The following TBX4 variants were observed in gnomAD, a reference collection of about 807,000 sequenced individuals.
TBX4 encodes the protein T-box transcription factor TBX4.
Under a neutral mutation model 54.6 loss-of-function variants are expected in TBX4, and 13 were observed. That is an observed-to-expected ratio of 0.24 (90% CI 0.15 to 0.38). The LOEUF is 0.38. Among genes scored for constraint, TBX4 ranks in the 10% least tolerant of loss-of-function variants. TBX4 has a pLI of 1.00. For synonymous variants in TBX4, 314 were observed against 306.7 expected (o/e 1.02, Z -0.25); for missense variants, 631 against 728.5 (o/e 0.87, Z 1.54).
intron 1 of TBX4, chr17:61,452,929 A>C (rs2060424512): frequency 1.0e-6 from 1 of 985,476 alleles, no homozygotes; most frequent in Non-Finnish European, 1.2e-6. Context: ...TGGTGTTTGC[A>C]GAATATGCAA....
At chr17:61,463,918 C>A (rs2060516262) in intron 3 of TBX4, among the ~76,000 whole-genome samples, 1 of 152,152 alleles carries the variant, frequency 6.6e-6, no homozygotes, top group South Asian at 2.1e-4. Context: ...GTTGGCCCAC[C>A]AGGAGAGAGG....
At position 61,463,989 on chromosome 17, in the gene TBX4, G is replaced by C. The variant is rs577138129; in HGVS notation, c.282-1830G>C. 1.6e-3 allele frequency among the ~76,000 whole-genome samples: 245 copies of C among 152,350 alleles called. 3 individuals are homozygous for C. The highest frequency in any genetic ancestry group is 0.014 in the Admixed American group (214 of 15,308). ...GCCCCCAGGCCCCATAGGGGGGCTG[G>C]TAAGCAGGAGGCAGGGTTGGGTTCC... On this transcript the variant is annotated intron_variant, in intron 3 of 8. Coordinates refer to ENST00000644296, the MANE Select transcript of TBX4 (RefSeq NM_001321120.2).
chr17:61,472,973 C>T lies in TBX4; in HGVS notation c.549+5316C>T, dbSNP rs1337307809. Reference sequence around the variant, plus strand: ...TAATAGGTTTTAGTGTTTGGCAGGACTGGGCCTCCTTGATCTTCTTCAGAG... The same window carrying T: ...TAATAGGTTTTAGTGTTTGGCAGGATTGGGCCTCCTTGATCTTCTTCAGAG... On this transcript the variant is annotated intron_variant, in intron 5 of 8. Transcript: ENST00000644296. The surrounding 1 kb of genome is among the most constrained non-coding windows in gnomAD (Gnocchi z 4.5). Among the ~76,000 whole-genome samples the T allele has an allele frequency of 1.3e-5, 2 of 152,178 alleles. No individual in the cohort carries two copies. Among genetic ancestry groups the T allele is most frequent in the Non-Finnish European group, 2.9e-5 (2 of 68,040 alleles).
In TBX4 at chr17:61,481,048, G is replaced by A. The variant is rs139200037; in HGVS notation, c.1021+729G>A. On this transcript the variant is annotated intron_variant, in intron 8 of 8. Coordinates refer to ENST00000644296, the MANE Select transcript of TBX4 (RefSeq NM_001321120.2). The surrounding 1 kb of genome is among the most constrained non-coding windows in gnomAD (Gnocchi z 4.8). ...GCCTGGGGACTTTTGCTTGCCTTCC[G>A]GAATGTTCCCTCAGCCCTGGTCCTA... 6.2e-4 allele frequency among the ~76,000 whole-genome samples: 94 copies of A among 152,240 alleles called. 2 individuals carry two copies. In the East Asian group the frequency reaches 0.014, roughly 23 times the overall value.
Position 61,465,793 on chromosome 17 carries a change from T to C in TBX4, c.282-26T>C. 1 of 1,613,474 alleles carries C rather than the reference T, an allele frequency of 6.2e-7. No homozygotes were observed. The highest frequency in any genetic ancestry group is 8.5e-7 in the Non-Finnish European group (1 of 1,179,642). ...CTCTCCTGGTGCTCTGTCCACACGC[T>C]CCGCCTCACCCCTCGGCTCCCCCAG... is the stretch of plus-strand genomic sequence containing the variant. On this transcript the variant is annotated intron_variant, in intron 3 of 8. Transcript: ENST00000644296. This position sits in a 1 kb window ranked among gnomAD's most constrained non-coding sequence, Gnocchi z 4.9.
At chr17:61,469,815 G>T (rs1475250364) in intron 5 of TBX4, among the ~76,000 whole-genome samples, 1 of 152,230 alleles carries the variant, frequency 6.6e-6, no homozygotes, top group Non-Finnish European at 1.5e-5. Flanking sequence ...GCCCGTGGGA[G>T]TGGTGAGCTC....
chr17:61,456,507 G>T lies in TBX4; in HGVS notation c.17G>T (p.Gly6Val), dbSNP rs3744448. The T allele has an allele frequency of 1.3e-6, 2 of 1,568,710 alleles. No individual in the cohort carries two copies. Among genetic ancestry groups the T allele is most frequent in the Admixed American group, 1.9e-5 (1 of 53,446 alleles). Reference sequence around the variant, plus strand: ...CCGCAGGAGATGCTGCAGGATAAGGGCCTGTCCGAGAGCGAGGAGGCCTTC... The same window carrying T: ...CCGCAGGAGATGCTGCAGGATAAGGTCCTGTCCGAGAGCGAGGAGGCCTTC... MLQDKGLSESEEAFRA... is the reference protein window; with the variant it reads MLQDKVLSESEEAFRA... Residue 6 changes from glycine (G) to valine (V), a missense_variant, in exon 2 of 9, where the codon GGC becomes GTC. This residue lies in a region of TBX4 where 123 missense variants were observed against 120.9 expected (regional missense o/e 1.02). Transcript: ENST00000644296.
intron 5 of TBX4, among the ~76,000 whole-genome samples, chr17:61,468,166 C>G (rs984198349): frequency 4.6e-5 from 7 of 152,206 alleles, no homozygotes; most frequent in Non-Finnish European, 5.9e-5. Context: ...GGCCTGACAG[C>G]CGCCTGCTTC....
In TBX4 at chr17:61,474,038, T is replaced by C. The variant is rs2060600026; in HGVS notation, c.550-4589T>C. Among the ~76,000 whole-genome samples, 1 of 152,198 alleles carries C rather than the reference T, an allele frequency of 6.6e-6. No homozygotes were observed. The highest frequency in any genetic ancestry group is 2.4e-5 in the African/African-American group (1 of 41,458). ...TTTTCCTTGGATGCACCTCTTATCATCCGGGGTCTCAGTTTTCTTTCTTTC... is the reference window on the plus strand; with the variant it reads ...TTTTCCTTGGATGCACCTCTTATCACCCGGGGTCTCAGTTTTCTTTCTTTC... On this transcript the variant is annotated intron_variant, in intron 5 of 8. Coordinates refer to ENST00000644296, the MANE Select transcript of TBX4 (RefSeq NM_001321120.2). The surrounding 1 kb of genome is among the most constrained non-coding windows in gnomAD (Gnocchi z 4.6).
rs1294713248 is a variant in TBX4 at position 61,472,115 on chromosome 17, A to C, written c.549+4458A>C. Among the ~76,000 whole-genome samples, 1 of 152,024 alleles carries C rather than the reference A, an allele frequency of 6.6e-6. No homozygotes were observed. The highest frequency in any genetic ancestry group is 1.5e-5 in the Non-Finnish European group (1 of 67,992). On this transcript the variant is annotated intron_variant, in intron 5 of 8. Transcript: ENST00000644296. The surrounding 1 kb of genome is among the most constrained non-coding windows in gnomAD (Gnocchi z 4.5). ...AGCCAGTTCTTGTTGAAGGAATTAG[A>C]TGTTTTTTTATTCTTTGCTCTTCTG... is the stretch of plus-strand genomic sequence containing the variant.
rs532859152 is a variant in TBX4, at chr17:61,455,602, C to T, written c.-3-886C>T. Among the ~76,000 whole-genome samples, 9 of 152,354 alleles carry T rather than the reference C, an allele frequency of 5.9e-5. No individual in the cohort carries two copies. The South Asian group carries it at 1.7e-3, about 28-fold the overall frequency. ...TGTAGCTGTGCCAGGCAGGGCTAAG[C>T]GGTTCCTGTGAATGGGCCCAGCCTG... On this transcript the variant is annotated intron_variant, in intron 1 of 8. Transcript: ENST00000644296.
Position 61,480,391 on chromosome 17 carries a change from A to C in TBX4, c.1021+72A>C. The C allele has an allele frequency of 8.6e-7, 1 of 1,159,120 alleles. No homozygotes were observed. Among genetic ancestry groups the C allele is most frequent in the Non-Finnish European group, 1.2e-6 (1 of 812,602 alleles). The allele number at this position is 1,159,120 out of a possible 1,614,324, so 71.8% of individuals were successfully genotyped here. A position where few individuals can be genotyped will look rare whatever the true frequency, so the allele number is the denominator to read the frequency against. On this transcript the variant is annotated intron_variant, in intron 8 of 8. Coordinates refer to ENST00000644296, the MANE Select transcript of TBX4 (RefSeq NM_001321120.2). The surrounding 1 kb of genome is among the most constrained non-coding windows in gnomAD (Gnocchi z 6.2). Reference sequence around the variant, plus strand: ...GAGGTTCTCCCCGAAACCACTCTGCAGCGCCCCCCCCCCCAACACACACAC... The same window carrying C: ...GAGGTTCTCCCCGAAACCACTCTGCCGCGCCCCCCCCCCCAACACACACAC...
rs760308988 is a variant in TBX4, at chr17:61,483,039, C to A, written c.1164C>A (p.Thr388=). The change falls in exon 9 of 9, where the codon ACC becomes ACA. Residue 388 remains threonine (T), a synonymous_variant. Transcript: ENST00000644296. The surrounding 1 kb of genome is among the most constrained non-coding windows in gnomAD (Gnocchi z 6.6). ...GCCCCTCCTACTGCAGTGAGGTGAC[C>A]CCCAGAGAAGCATGTATGTACTCAG... is the stretch of plus-strand genomic sequence containing the variant. ...MLSPSYCSEV[T]PREACMYSGS... The A allele has an allele frequency of 5.6e-6, 9 of 1,614,092 alleles. No homozygotes were observed. The Admixed American group carries it at 6.7e-5, about 12-fold the overall frequency.
rs2060614173 is a variant in TBX4, at chr17:61,475,571, T to A, written c.550-3056T>A. Among the ~76,000 whole-genome samples the A allele has an allele frequency of 6.6e-6, 1 of 151,938 alleles. No homozygotes were observed. Among genetic ancestry groups the A allele is most frequent in the South Asian group, 2.1e-4 (1 of 4,814 alleles). On this transcript the variant is annotated intron_variant, in intron 5 of 8. Transcript: ENST00000644296. The surrounding 1 kb of genome is among the most constrained non-coding windows in gnomAD (Gnocchi z 5.0). Reference sequence around the variant, plus strand: ...GCAAAAGGAATGGAGGGGCTTTTGTTTTATAGATAGAGTCACAGGAATCGG... The same window carrying A: ...GCAAAAGGAATGGAGGGGCTTTTGTATTATAGATAGAGTCACAGGAATCGG...
rs1352793998 is a variant in TBX4 at position 61,461,753 on chromosome 17, A to T, written c.282-4066A>T. Among the ~76,000 whole-genome samples the T allele has an allele frequency of 6.6e-6, 1 of 152,132 alleles. No individual in the cohort carries two copies. Among genetic ancestry groups the T allele is most frequent in the African/African-American group, 2.4e-5 (1 of 41,428 alleles). On this transcript the variant is annotated intron_variant, in intron 3 of 8. Transcript: ENST00000644296. This position sits in a 1 kb window ranked among gnomAD's most constrained non-coding sequence, Gnocchi z 5.1. ...CAGAATCCTTCTTGTGTGCCTGCCCAGTCAGAGCCATCCCCACCTTTGAAA... is the reference window on the plus strand; with the variant it reads ...CAGAATCCTTCTTGTGTGCCTGCCCTGTCAGAGCCATCCCCACCTTTGAAA...
chr17:61,457,837 G>A lies in TBX4; in HGVS notation c.281+206G>A, dbSNP rs544446571. Among the ~76,000 whole-genome samples, 7 of 152,328 alleles carry A rather than the reference G, an allele frequency of 4.6e-5. No individual in the cohort carries two copies. Among genetic ancestry groups the A allele is most frequent in the African/African-American group, 1.4e-4 (6 of 41,570 alleles). On this transcript the variant is annotated intron_variant, in intron 3 of 8. Transcript: ENST00000644296. The surrounding 1 kb of genome is among the most constrained non-coding windows in gnomAD (Gnocchi z 8.2). The stretch of plus-strand genomic sequence containing the variant: ...CACCGCAGCCGCGCGGGCCTTGCGG[G>A]AAAGACCGAGGGGAGGGGCAGCGCT...
At position 61,479,955 on chromosome 17, in the gene TBX4, G is replaced by C; in HGVS notation, c.777G>C (p.Val259=). 6.2e-7 allele frequency: 1 copy of C among 1,614,018 alleles called. No homozygotes were observed. Among genetic ancestry groups the C allele is most frequent in the Non-Finnish European group, 8.5e-7 (1 of 1,179,962 alleles). ...FRGSDDSDLR[V]ARLQSKEYPV... is the part of the protein sequence containing the mutation. ...GCAGTGATGACAGTGACCTGCGTGTGGCCCGACTGCAGAGGTGGGGCTGCG... is the reference window on the plus strand; with the variant it reads ...GCAGTGATGACAGTGACCTGCGTGTCGCCCGACTGCAGAGGTGGGGCTGCG... Residue 259 remains valine (V), a synonymous_variant, in exon 7 of 9, where the codon GTG becomes GTC. Coordinates refer to ENST00000644296, the MANE Select transcript of TBX4 (RefSeq NM_001321120.2). This position sits in a 1 kb window ranked among gnomAD's most constrained non-coding sequence, Gnocchi z 6.1.
chr17:61,475,541 G>A lies in TBX4; in HGVS notation c.550-3086G>A, dbSNP rs2060613999. ...CAAAGATGGTGGGGCCTGAAGCAGG[G>A]GTGTGCAAAAGGAATGGAGGGGCTT... On this transcript the variant is annotated intron_variant, in intron 5 of 8. Coordinates refer to ENST00000644296, the MANE Select transcript of TBX4 (RefSeq NM_001321120.2). This position sits in a 1 kb window ranked among gnomAD's most constrained non-coding sequence, Gnocchi z 5.0. Among the ~76,000 whole-genome samples, 2 of 152,140 alleles carry A rather than the reference G, an allele frequency of 1.3e-5. No homozygotes were observed. The highest frequency in any genetic ancestry group is 2.9e-5 in the Non-Finnish European group (2 of 68,038).
Position 61,467,780 on chromosome 17 carries a change from G to C in TBX4, c.549+123G>C, listed in dbSNP as rs1333827898. ...CCAGCTCCAGGCTTTGGCGCTCACTGACCAGTTTAGGGAAGGAGCTCAAGC... is the reference window on the plus strand; with the variant it reads ...CCAGCTCCAGGCTTTGGCGCTCACTCACCAGTTTAGGGAAGGAGCTCAAGC... On this transcript the variant is annotated intron_variant, in intron 5 of 8. Transcript: ENST00000644296. 5 of 1,280,762 alleles carry C rather than the reference G, an allele frequency of 3.9e-6. No individual in the cohort carries two copies. In the African/African-American group the frequency reaches 7.4e-5, roughly 19 times the overall value. 79.3% of individuals were successfully genotyped at this position (1,280,762 alleles called of 1,614,324 possible).
Sources: allele counts gnomAD v4.1 joint callset (sites outside exome capture counted in the v4.1 genomes callset), GRCh38; gene constraint gnomAD v4.1.1; regional missense constraint gnomAD v4.1.1; non-coding constraint Gnocchi (gnomAD v3.1); transcripts MANE v1.5; gene names NCBI Gene and HGNC (gene_info 2026-07-23, HGNC 2026-07-21).